KCNS3: variants seen among roughly 807,000 people sequenced by gnomAD.
KCNS3 encodes the protein potassium voltage-gated channel modifier subfamily S member 3.
Under a neutral mutation model 31.0 loss-of-function variants are expected in KCNS3, and 13 were observed. That is an observed-to-expected ratio of 0.42 (90% CI 0.27 to 0.67). KCNS3 has a LOEUF of 0.67. Ranked by LOEUF, KCNS3 falls within the 30% of genes least tolerant of loss-of-function variation. KCNS3 has a pLI of 0.25. For missense variants in KCNS3, 545 were observed against 622.4 expected (o/e 0.88, Z 1.32); for synonymous variants, 238 against 241.5 (o/e 0.99, Z 0.13).
At chr2:17,891,444 T>C (rs1177812818) in intron 1 of KCNS3, among the ~76,000 whole-genome samples, 3 of 152,204 alleles carry the variant, frequency 2.0e-5, no homozygotes, top group African/African-American at 7.2e-5. Context: ...GCATTCATCG[T>C]GCTCTTTGTT....
Position 17,932,018 on chromosome 2 carries a change from T to G in KCNS3, c.1010T>G (p.Ile337Ser). The stretch of plus-strand genomic sequence containing the variant: ...CTCTTCCTCTCTGTGGGCATTTCCA[T>G]TTTCTCTGTGCTTATCTACTCCGTG... ...LLLFLSVGIS[I>S]FSVLIYSVEK... is the part of the protein sequence containing the mutation. Residue 337 changes from isoleucine to serine, a missense_variant, in exon 3 of 3, where the codon ATT (isoleucine) becomes AGT (serine). Coordinates refer to ENST00000304101, the MANE Select transcript of KCNS3 (RefSeq NM_002252.5). The G allele has an allele frequency of 6.2e-7, 1 of 1,614,116 alleles. No homozygotes were observed. Among genetic ancestry groups the G allele is most frequent in the Non-Finnish European group, 8.5e-7 (1 of 1,180,010 alleles).
Position 17,917,666 on chromosome 2 carries a change from G to C in KCNS3, c.-251-14G>C, listed in dbSNP as rs1662619176. Reference sequence around the variant, plus strand: ...TCCTTGCAGTTACAGCTTGGCTGATGGTTTTTTCTGCAGGTGAGAGTGATT... The same window carrying C: ...TCCTTGCAGTTACAGCTTGGCTGATCGTTTTTTCTGCAGGTGAGAGTGATT... On this transcript the variant is annotated splice_polypyrimidine_tract_variant and intron_variant, in intron 1 of 2. Transcript: ENST00000304101. 1 of 152,664 alleles carries C rather than the reference G, an allele frequency of 6.6e-6. No homozygotes were observed. Among genetic ancestry groups the C allele is most frequent in the South Asian group, 2.1e-4 (1 of 4,822 alleles). 9.5% of individuals were successfully genotyped at this position (152,664 alleles called of 1,614,324 possible).
At chr2:17,880,253 T>C (rs896875759) in intron 1 of KCNS3, among the ~76,000 whole-genome samples, 31 of 152,210 alleles carry the variant, frequency 2.0e-4, no homozygotes, top group Admixed American at 1.3e-4. Context: ...CTTGGTGTAA[T>C]GTGCAGGCTC....
intron 2 of KCNS3, among the ~76,000 whole-genome samples, chr2:17,928,181 T>G (rs557935186): frequency 4.6e-5 from 7 of 152,240 alleles, no homozygotes; most frequent in Non-Finnish European, 1.0e-4. Flanking sequence ...TTTATAGTTC[T>G]TTTCATTATG....
chr2:17,910,082 A>G (rs1662435393), intron 1 of KCNS3, among the ~76,000 whole-genome samples: 1 of 152,256 alleles, frequency 6.6e-6, no homozygotes. Context: ...GATGAAACCT[A>G]CAGGATGTAA....
At chr2:17,926,177 G>A (rs1662833175) in intron 2 of KCNS3, among the ~76,000 whole-genome samples, 1 of 152,220 alleles carries the variant, frequency 6.6e-6, no homozygotes, top group African/African-American at 2.4e-5. Flanking sequence ...TCACATCCAG[G>A]TCACAGTGAT....
In KCNS3 at chr2:17,906,416, TG is replaced by T. The variant is rs200040163; in HGVS notation, c.-251-11262del. Among the ~76,000 whole-genome samples, 1,121 of 152,312 alleles carry T rather than the reference TG, an allele frequency of 7.4e-3. 14 individuals carry two copies. The highest frequency in any genetic ancestry group is 0.025 in the African/African-American group (1,059 of 41,562). On this transcript the variant is annotated intron_variant, in intron 1 of 2. Coordinates refer to ENST00000304101, the MANE Select transcript of KCNS3 (RefSeq NM_002252.5). ...TTGATCTTTTCAAAAAACCAGCTCCTGGATTCATTGATTTTTTGAAGGGTTT... is the reference window on the plus strand; with the variant it reads ...TTGATCTTTTCAAAAAACCAGCTCCTGATTCATTGATTTTTTGAAGGGTTT...
At chr2:17,898,014 A>G (rs1006503999) in intron 1 of KCNS3, among the ~76,000 whole-genome samples, 4 of 152,190 alleles carry the variant, frequency 2.6e-5, no homozygotes, top group African/African-American at 9.7e-5. Context: ...GTTCTTCTGC[A>G]TATGGTTAGC....
intron 1 of KCNS3, among the ~76,000 whole-genome samples, chr2:17,888,629 G>GTATATCTATATA (rs35102585): frequency 0.015 from 1,373 of 92,244 alleles, 87 homozygotes; most frequent in African/African-American, 0.022. Context: ...TAAAAAAAAT[G>GTATATCTATATA]TATATATATA....
At position 17,929,533 on chromosome 2, in the gene KCNS3, A is replaced by C. The variant is rs145644360; in HGVS notation, c.-59-1417A>C. Among the ~76,000 whole-genome samples the C allele has an allele frequency of 1.5e-3, 222 of 152,328 alleles. 1 individual carries two copies. Among genetic ancestry groups the C allele is most frequent in the African/African-American group, 5.1e-3 (210 of 41,580 alleles). On this transcript the variant is annotated intron_variant, in intron 2 of 2. Transcript: ENST00000304101. ...ATCCAATCACCTCCCACCAGGCTCC[A>C]CCTGCAACACGCAGGATCACAATTC...
At chr2:17,903,922 G>A (rs997769022) in intron 1 of KCNS3, among the ~76,000 whole-genome samples, 12 of 152,244 alleles carry the variant, frequency 7.9e-5, no homozygotes, top group South Asian at 2.1e-4. Context: ...AAACATACGC[G>A]TGCATGTGCC....
intron 1 of KCNS3, among the ~76,000 whole-genome samples, chr2:17,883,651 T>A (rs1674693526): frequency 1.3e-5 from 2 of 152,138 alleles, no homozygotes; most frequent in Admixed American, 6.5e-5. Context: ...AAGGCAGGAA[T>A]GAGCATTGAG....
At chr2:17,921,101 C>A (rs1211124167) in intron 2 of KCNS3, among the ~76,000 whole-genome samples, 1 of 152,080 alleles carries the variant, frequency 6.6e-6, no homozygotes, top group Non-Finnish European at 1.5e-5. Flanking sequence ...TGTACTGCAC[C>A]AGTTGTTGAG....
At chr2:17,924,015 A>G (rs1662779657) in intron 2 of KCNS3, among the ~76,000 whole-genome samples, 1 of 151,914 alleles carries the variant, frequency 6.6e-6, no homozygotes. Flanking sequence ...CTTTCTATTC[A>G]TTTATTTCTT....
At chr2:17,908,032 C>T (rs1356967507) in intron 1 of KCNS3, among the ~76,000 whole-genome samples, 1 of 152,030 alleles carries the variant, frequency 6.6e-6, no homozygotes, top group Non-Finnish European at 1.5e-5. Context: ...GGATGTTCTC[C>T]TGGATAATAT....
In KCNS3 at chr2:17,888,674, A is replaced by T. The variant is rs939401425; in HGVS notation, c.-252+9868A>T. Among the ~76,000 whole-genome samples the T allele has an allele frequency of 3.4e-3, 278 of 82,456 alleles. 3 individuals carry two copies. Among genetic ancestry groups the T allele is most frequent in the Non-Finnish European group, 4.8e-3 (193 of 40,204 alleles). 54.1% of individuals were successfully genotyped at this position (82,456 alleles called of 152,430 possible). Reference sequence around the variant, plus strand: ...ATATATATATATATATATATATATAAAGAAAAGGGTGTTCTTTCCCCACTT... The same window carrying T: ...ATATATATATATATATATATATATATAGAAAAGGGTGTTCTTTCCCCACTT... On this transcript the variant is annotated intron_variant, in intron 1 of 2. Transcript: ENST00000304101.
intron 1 of KCNS3, among the ~76,000 whole-genome samples, chr2:17,901,469 G>T (rs148610722): frequency 6.0e-4 from 91 of 152,316 alleles, no homozygotes; most frequent in African/African-American, 2.0e-3. Context: ...GAGTAAGCGG[G>T]TATGAAGGGA....
chr2:17,923,089 C>G (rs1299028575), intron 2 of KCNS3, among the ~76,000 whole-genome samples: 1 of 152,142 alleles, frequency 6.6e-6, no homozygotes, highest in African/African-American at 2.4e-5. Flanking sequence ...TCCACTTTCT[C>G]CACATCCCTG....
At chr2:17,921,917 A>ATG (rs1662721482) in intron 2 of KCNS3, among the ~76,000 whole-genome samples, 2 of 26,660 alleles carry the variant, frequency 7.5e-5, no homozygotes, top group South Asian at 1.8e-3. Flanking sequence ...GTGTGTGTGT[A>ATG]TATATATATA....
Sources: allele counts gnomAD v4.1 joint callset (sites outside exome capture counted in the v4.1 genomes callset), GRCh38; gene constraint gnomAD v4.1.1; transcripts MANE v1.5; gene names NCBI Gene and HGNC (gene_info 2026-07-23, HGNC 2026-07-21).